The following RPS6KA2 variants were observed in gnomAD, a reference collection of about 807,000 sequenced individuals.
RPS6KA2 encodes ribosomal protein S6 kinase alpha-2.
Under a neutral mutation model 91.8 loss-of-function variants are expected in RPS6KA2, and 42 were observed. That is an observed-to-expected ratio of 0.46 (90% CI 0.36 to 0.59). RPS6KA2 has a LOEUF of 0.59. Ranked by LOEUF, RPS6KA2 falls within the 20% of genes least tolerant of loss-of-function variation. The pLI is 0.00. For synonymous variants in RPS6KA2, 414 were observed against 393.6 expected, an observed-to-expected ratio of 1.05 and a Z score of -0.61; for missense variants, 798 against 978.5, an observed-to-expected ratio of 0.82 and a Z score of 2.46.
rs1052817534 is a variant in RPS6KA2, at chr6:166,821,859, C to T, written c.123+36341G>A. 2.0e-5 allele frequency among the ~76,000 whole-genome samples: 3 copies of T among 152,190 alleles called. No homozygotes were observed. The highest frequency in any genetic ancestry group is 7.2e-5 in the African/African-American group (3 of 41,446). The stretch of plus-strand genomic sequence containing the variant: ...TAACGTTGTTGTGTTGGATTCCCCA[C>T]TCAGACACGCTCTTCTCTCCTTCTT... On this transcript the variant is annotated intron_variant, in intron 2 of 21. Transcript: ENST00000503859. This position sits in a 1 kb window ranked among gnomAD's most constrained non-coding sequence, Gnocchi z 4.1.
rs538156254 is a variant in RPS6KA2 at position 166,662,431 on chromosome 6, G to C, written c.124-123647C>G. Among the ~76,000 whole-genome samples, 1 of 152,314 alleles carries C rather than the reference G, an allele frequency of 6.6e-6. No homozygotes were observed. The highest frequency in any genetic ancestry group is 2.4e-5 in the African/African-American group (1 of 41,562). The stretch of plus-strand genomic sequence containing the variant: ...CAAATTACAGACACTTTAGATATCT[G>C]CTTTCTTTGGGGACGTAAGAACAGC... On this transcript the variant is annotated intron_variant, in intron 2 of 21. Transcript: ENST00000503859. The surrounding 1 kb of genome is among the most constrained non-coding windows in gnomAD (Gnocchi z 4.3).
rs547072821 is a variant in RPS6KA2, at chr6:166,568,964, CCT to C, written c.100-30182_100-30181del. On this transcript the variant is annotated intron_variant, in intron 1 of 20. Coordinates refer to ENST00000265678, the MANE Select transcript of RPS6KA2 (RefSeq NM_021135.6). The stretch of plus-strand genomic sequence containing the variant: ...TGATTTTGAACAAGTACTTTTTTTT[CCT>C]CTTTTACCAAATACTGTAGTTGAAA... Among the ~76,000 whole-genome samples, 42 of 151,738 alleles carry C rather than the reference CCT, an allele frequency of 2.8e-4. No homozygotes were observed. In the South Asian group the frequency reaches 8.1e-3, roughly 29 times the overall value.
chr6:166,626,672 A>G lies in RPS6KA2; in HGVS notation c.99+249T>C, dbSNP rs900216271. On this transcript the variant is annotated intron_variant, in intron 1 of 20. Coordinates refer to ENST00000265678, the MANE Select transcript of RPS6KA2 (RefSeq NM_021135.6). This position sits in a 1 kb window ranked among gnomAD's most constrained non-coding sequence, Gnocchi z 4.1. ...CCACACCCCGTGCAGCCAGCGGCGG[A>G]GAAACCAGCTGGAAATGCAGTGGGG... Among the ~76,000 whole-genome samples the G allele has an allele frequency of 1.3e-5, 2 of 152,194 alleles. No individual in the cohort carries two copies. The highest frequency in any genetic ancestry group is 2.9e-5 in the Non-Finnish European group (2 of 68,020).
At chr6:166,822,408 G>T (rs1457537279) in intron 2 of RPS6KA2, among the ~76,000 whole-genome samples, 1 of 152,218 alleles carries the variant, frequency 6.6e-6, no homozygotes, top group African/African-American at 2.4e-5. Flanking sequence ...AGACAACCAG[G>T]TGAGGACGCA....
rs1443139391 is a variant in RPS6KA2 at position 166,445,438 on chromosome 6, G to C, written c.1332+3286C>G. 6.6e-6 allele frequency among the ~76,000 whole-genome samples: 1 copy of C among 152,192 alleles called. No individual in the cohort carries two copies. Among genetic ancestry groups the C allele is most frequent in the African/African-American group, 2.4e-5 (1 of 41,436 alleles). On this transcript the variant is annotated intron_variant, in intron 14 of 20. Coordinates refer to ENST00000265678, the MANE Select transcript of RPS6KA2 (RefSeq NM_021135.6). The surrounding 1 kb of genome is among the most constrained non-coding windows in gnomAD (Gnocchi z 4.5). ...CTGGGCTTCTCAACCTTTCGTTGGG[G>C]CAGCAGGTTGTGGGGGCTGTCCTGT...
chr6:166,586,510 T>C (rs878973687), intron 1 of RPS6KA2: 69 of 1,577,558 alleles, frequency 4.4e-5, no homozygotes, highest in East Asian at 6.7e-5. Context: ...GGCAGCTGTA[T>C]TGCTTAATGT....
chr6:166,841,941 C>T (rs752314558), intron 2 of RPS6KA2, among the ~76,000 whole-genome samples: 4 of 152,066 alleles, frequency 2.6e-5, no homozygotes, highest in Non-Finnish European at 5.9e-5. Context: ...TAAGGGTCAC[C>T]GTGATTCTGG....
At chr6:166,536,336 G>A (rs1425077405) in intron 2 of RPS6KA2, among the ~76,000 whole-genome samples, 1 of 152,200 alleles carries the variant, frequency 6.6e-6, no homozygotes, top group East Asian at 1.9e-4. Flanking sequence ...TCCCTGGTAG[G>A]TGCAAAAGGG....
At chr6:166,591,961 A>C (rs1009360627) in intron 1 of RPS6KA2, among the ~76,000 whole-genome samples, 1 of 152,232 alleles carries the variant, frequency 6.6e-6, no homozygotes, top group African/African-American at 2.4e-5. Flanking sequence ...TACCTGCAGA[A>C]GACAGAAGCA....
intron 2 of RPS6KA2, among the ~76,000 whole-genome samples, chr6:166,657,412 A>G (rs1051385114): frequency 6.6e-6 from 1 of 152,238 alleles, no homozygotes; most frequent in Admixed American, 6.5e-5. Flanking sequence ...GACAAAAATG[A>G]AAGTAAATTC....
At chr6:166,734,471 C>G (rs559090237) in intron 2 of RPS6KA2, among the ~76,000 whole-genome samples, 62 of 152,292 alleles carry the variant, frequency 4.1e-4, no homozygotes, top group African/African-American at 1.4e-3. Flanking sequence ...ACCATCTTAC[C>G]ATCCAATGGT....
At position 166,413,778 on chromosome 6, in the gene RPS6KA2, T is replaced by C. The variant is rs767368290; in HGVS notation, c.2076+16A>G. 4.3e-6 allele frequency: 7 copies of C among 1,613,780 alleles called. No individual in the cohort carries two copies. Among genetic ancestry groups the C allele is most frequent in the Non-Finnish European group, 5.1e-6 (6 of 1,179,768 alleles). ...CCCATTCCCACCACTCTGTCCTCAC[T>C]GTCGCCTGCCGGTACCTTCACCAGG... On this transcript the variant is annotated intron_variant, in intron 20 of 20. Coordinates refer to ENST00000265678, the MANE Select transcript of RPS6KA2 (RefSeq NM_021135.6).
At chr6:166,652,275 T>C (rs1421995974) in intron 2 of RPS6KA2, among the ~76,000 whole-genome samples, 3 of 152,274 alleles carry the variant, frequency 2.0e-5, no homozygotes, top group Admixed American at 1.3e-4. Context: ...GTGCATTTTA[T>C]ATTCTGGTTT....
At chr6:166,693,621 G>GT (rs1035357816) in intron 2 of RPS6KA2, among the ~76,000 whole-genome samples, 26 of 152,132 alleles carry the variant, frequency 1.7e-4, no homozygotes, top group African/African-American at 5.8e-4. Flanking sequence ...GTCTCCAGCA[G>GT]TTTTTTAGAA....
chr6:166,512,533 T>C (rs1051844635), intron 3 of RPS6KA2, among the ~76,000 whole-genome samples: 4 of 152,238 alleles, frequency 2.6e-5, no homozygotes, highest in African/African-American at 9.6e-5. Context: ...TCTCAACTCC[T>C]GGTTTTAATA....
At chr6:166,731,582 A>G (rs1790520884) in intron 2 of RPS6KA2, among the ~76,000 whole-genome samples, 1 of 152,026 alleles carries the variant, frequency 6.6e-6, no homozygotes, top group Non-Finnish European at 1.5e-5. Context: ...AGCTCTCCAG[A>G]AAGATGCTTT....
In RPS6KA2 at chr6:166,439,078, C is replaced by A. The variant is rs371759721; in HGVS notation, c.1333-6588G>T. Among the ~76,000 whole-genome samples the A allele has an allele frequency of 2.8e-3, 407 of 146,986 alleles. 1 individual carries two copies. Among genetic ancestry groups the A allele is most frequent in the African/African-American group, 9.2e-3 (368 of 40,144 alleles). Reference sequence around the variant, plus strand: ...TGAATTTGAAGGAAAGCTCCTGATTCATATTTTTTCTTGTCTTTATTTTTA... The same window carrying A: ...TGAATTTGAAGGAAAGCTCCTGATTAATATTTTTTCTTGTCTTTATTTTTA... On this transcript the variant is annotated intron_variant, in intron 14 of 20. Transcript: ENST00000265678.
At chr6:166,469,365 C>T (rs1356797362) in intron 11 of RPS6KA2, among the ~76,000 whole-genome samples, 1 of 144,248 alleles carries the variant, frequency 6.9e-6, no homozygotes, top group African/African-American at 2.6e-5. Context: ...TCCACGTGGG[C>T]ATCAGCTTGA....
Position 166,433,012 on chromosome 6 carries a change from A to AG in RPS6KA2, c.1333-523dup, listed in dbSNP as rs1369507633. On this transcript the variant is annotated intron_variant, in intron 14 of 20. Transcript: ENST00000265678. The surrounding 1 kb of genome is among the most constrained non-coding windows in gnomAD (Gnocchi z 4.4). ...TCTGTCTCAAAAAAAAAAAAAAAAAAGGAGTACAAGACTTCAGACATGAAT... is the reference window on the plus strand; with the variant it reads ...TCTGTCTCAAAAAAAAAAAAAAAAAAGGGAGTACAAGACTTCAGACATGAAT... Among the ~76,000 whole-genome samples, 1 of 150,374 alleles carries AG rather than the reference A, an allele frequency of 6.7e-6. No individual in the cohort carries two copies. Among genetic ancestry groups the AG allele is most frequent in the East Asian group, 1.9e-4 (1 of 5,156 alleles).
Sources: gnomAD v4.1 joint callset for allele counts (sites outside exome capture counted in the v4.1 genomes callset) on GRCh38, gnomAD v4.1.1 for gene constraint, Gnocchi (gnomAD v3.1) non-coding constraint, MANE v1.5 for transcripts, NCBI Gene and HGNC (gene_info 2026-07-23, HGNC 2026-07-21) for gene names.